Variants in KCNN2 observed in about 807,000 individuals in gnomAD.
KCNN2 encodes potassium calcium-activated channel subfamily N member 2, also known as small conductance calcium-activated potassium channel protein 2.
In KCNN2, 24 loss-of-function variants were observed where a neutral mutation model predicts 55.5. The observed-to-expected ratio is 0.43, with a 90% confidence interval of 0.31 to 0.61. The LOEUF is 0.61. Among genes scored for constraint, KCNN2 ranks in the 20% least tolerant of loss-of-function variants. The pLI is 0.08. For missense variants in KCNN2, 754 were observed against 853.6 expected, an observed-to-expected ratio of 0.88 and a Z score of 1.45; for synonymous variants, 431 against 336.1, an observed-to-expected ratio of 1.28 and a Z score of -3.09.
At chr5:114,420,117 C>T (rs964821983) in intron 3 of KCNN2, among the ~76,000 whole-genome samples, 2 of 152,234 alleles carry the variant, frequency 1.3e-5, no homozygotes, top group Non-Finnish European at 2.9e-5. Flanking sequence ...TGGGTAACAT[C>T]AGTACAACAC....
At chr5:114,207,254 C>T (rs1753795309) in intron 1 of KCNN2, among the ~76,000 whole-genome samples, 1 of 152,162 alleles carries the variant, frequency 6.6e-6, no homozygotes, top group Admixed American at 6.5e-5. Flanking sequence ...ATTTTATTCT[C>T]CCCTGACAGT....
intron 1 of KCNN2, among the ~76,000 whole-genome samples, chr5:114,061,052 G>A (rs1267422278): frequency 1.3e-5 from 2 of 152,150 alleles, no homozygotes; most frequent in Non-Finnish European, 2.9e-5. Flanking sequence ...TAATTCATGG[G>A]CAGCTGGGAG....
At chr5:114,121,389 C>G (rs575521429) in intron 1 of KCNN2, among the ~76,000 whole-genome samples, 13 of 152,256 alleles carry the variant, frequency 8.5e-5, no homozygotes, top group South Asian at 8.3e-4. Context: ...CCAGGTAACT[C>G]TCACATATGT....
At chr5:114,111,842 GGA>G (rs1407123483) in intron 1 of KCNN2, among the ~76,000 whole-genome samples, 4 of 152,188 alleles carry the variant, frequency 2.6e-5, no homozygotes, top group Non-Finnish European at 4.4e-5. Flanking sequence ...GTGCTGGAGA[GGA>G]TGTGGAGAAA....
At chr5:114,156,340 A>G (rs113086158) in intron 1 of KCNN2, among the ~76,000 whole-genome samples, 2 of 151,924 alleles carry the variant, frequency 1.3e-5, no homozygotes, top group South Asian at 2.1e-4. Flanking sequence ...TGTTCTTTTT[A>G]CTTGGCCTTG....
At chr5:114,454,151 A>T (rs74747269) in intron 3 of KCNN2, among the ~76,000 whole-genome samples, 1 of 152,104 alleles carries the variant, frequency 6.6e-6, no homozygotes, top group East Asian at 1.9e-4. Context: ...AAGGACATGA[A>T]CTCATTCTTT....
intron 2 of KCNN2, among the ~76,000 whole-genome samples, chr5:114,378,555 A>T (rs987112504): frequency 6.6e-6 from 1 of 152,152 alleles, no homozygotes; most frequent in Admixed American, 6.5e-5. Context: ...GCTTCTGTGT[A>T]GGAGTTTGTA....
chr5:114,139,650 A>G (rs1248121184), intron 1 of KCNN2, among the ~76,000 whole-genome samples: 1 of 151,172 alleles, frequency 6.6e-6, no homozygotes, highest in Non-Finnish European at 1.5e-5. Flanking sequence ...TATAGTATTT[A>G]CTTTCATGAA....
At chr5:114,463,384 T>A (rs1167281863) in intron 4 of KCNN2, among the ~76,000 whole-genome samples, 194 bp downstream of exon 4, 1 of 152,220 alleles carries the variant, frequency 6.6e-6, no homozygotes, top group East Asian at 1.9e-4. Flanking sequence ...GAAATTCTGT[T>A]GAAGAGGTAG....
intron 2 of KCNN2, among the ~76,000 whole-genome samples, chr5:114,224,562 A>G (rs1161412425): frequency 6.6e-6 from 1 of 152,272 alleles, no homozygotes; most frequent in African/African-American, 2.4e-5. Context: ...GCAGAAGAAC[A>G]CTATAGAAAA....
At chr5:114,157,931 A>T (rs1362149104) in intron 1 of KCNN2, among the ~76,000 whole-genome samples, 2 of 151,364 alleles carry the variant, frequency 1.3e-5, no homozygotes, top group African/African-American at 4.8e-5. Context: ...AGATTGCAAA[A>T]ATTTTCTCCC....
intron 2 of KCNN2, among the ~76,000 whole-genome samples, chr5:114,342,427 G>A (rs993700042): frequency 6.6e-6 from 1 of 151,558 alleles, no homozygotes; most frequent in African/African-American, 2.4e-5. Context: ...CTAATGTCAT[G>A]CAAGCCATAT....
intron 2 of KCNN2, among the ~76,000 whole-genome samples, chr5:114,229,047 G>C (rs1754303091): frequency 6.6e-6 from 1 of 151,866 alleles, no homozygotes; most frequent in Non-Finnish European, 1.5e-5. Flanking sequence ...TGATTAATTA[G>C]TTAGGTTAAA....
At chr5:114,439,542 C>T (rs1393950558) in intron 3 of KCNN2, among the ~76,000 whole-genome samples, 1 of 152,058 alleles carries the variant, frequency 6.6e-6, no homozygotes, top group Non-Finnish European at 1.5e-5. Flanking sequence ...CAGGGTCCCA[C>T]CCTCAGTGAT....
chr5:114,356,221 A>G (rs191331227), intron 2 of KCNN2, among the ~76,000 whole-genome samples: 1 of 152,160 alleles, frequency 6.6e-6, no homozygotes, highest in Non-Finnish European at 1.5e-5. Context: ...TGCATTTCAG[A>G]TATTTTCGTT....
At chr5:114,236,578 A>C (rs1392005345) in intron 2 of KCNN2, among the ~76,000 whole-genome samples, 4 of 152,170 alleles carry the variant, frequency 2.6e-5, no homozygotes, top group Non-Finnish European at 5.9e-5. Flanking sequence ...GTAAAAGCTG[A>C]GATCTTGGAA....
Position 114,472,754 on chromosome 5 carries a change from G to A in KCNN2, c.1780-300G>A, listed in dbSNP as rs139165768. 3.0e-3 allele frequency among the ~76,000 whole-genome samples: 456 copies of A among 152,124 alleles called. 3 individuals are homozygous for A. Among genetic ancestry groups the A allele is most frequent in the Non-Finnish European group, 5.3e-3 (362 of 68,008 alleles). ...ATAATTATAGGTATATAACTGACTT[G>A]CTCTGTTTTTTAAAAAGTCTCCAAA... On this transcript the variant is annotated intron_variant, in intron 4 of 7. Transcript: ENST00000673685.
At chr5:114,368,340 C>T (rs1386129400) in intron 2 of KCNN2, among the ~76,000 whole-genome samples, 1 of 152,176 alleles carries the variant, frequency 6.6e-6, no homozygotes, top group Non-Finnish European at 1.5e-5. Flanking sequence ...CTCTTTTCAT[C>T]ATCTTTAGAG....
At chr5:114,065,477 T>G (rs897293984) in intron 1 of KCNN2, among the ~76,000 whole-genome samples, 5 of 152,228 alleles carry the variant, frequency 3.3e-5, no homozygotes, top group Admixed American at 2.0e-4. Context: ...ATTTATTTAT[T>G]GGTTTTTGCT....
Sources: gnomAD v4.1 joint callset for allele counts (sites outside exome capture counted in the v4.1 genomes callset) on GRCh38, gnomAD v4.1.1 for gene constraint, MANE v1.5 for transcripts, NCBI Gene and HGNC (gene_info 2026-07-23, HGNC 2026-07-21) for gene names.